The following SRRM2 variants were observed in gnomAD, a reference collection of about 807,000 sequenced individuals.
SRRM2 encodes serine/arginine repetitive matrix 2.
Under a neutral mutation model 213.8 loss-of-function variants are expected in SRRM2, and 30 were observed. The observed-to-expected ratio is 0.14, with a 90% CI of 0.10 to 0.19. The LOEUF is 0.19. Ranked by LOEUF, SRRM2 falls within the 10% of genes least tolerant of loss-of-function variation. SRRM2 has a pLI of 1.00. For synonymous variants in SRRM2, 2,025 were observed against 1,377.7 expected, an observed-to-expected ratio of 1.47 and a Z score of -10.40; for missense variants, 4,904 against 3,647.0, an observed-to-expected ratio of 1.34 and a Z score of -8.88.
Position 2,759,413 on chromosome 16 carries a change from T to G in SRRM2, c.740+11T>G. 1 of 1,593,458 alleles carries G rather than the reference T, an allele frequency of 6.3e-7. No homozygotes were observed. Among genetic ancestry groups the G allele is most frequent in the Non-Finnish European group, 8.5e-7 (1 of 1,172,326 alleles). On this transcript the variant is annotated intron_variant, in intron 8 of 14. Transcript: ENST00000301740. ...CAAAAAGCGAAAGCGGTGAGTGAAT[T>G]TGTGGGGAATTTGCTTAGGAAGTAA...
chr16:2,762,357 C>G lies in SRRM2; in HGVS notation c.1829C>G (p.Ala610Gly). Residue 610 changes from alanine (A) to glycine (G), a missense_variant, in exon 11 of 15, where the codon GCC becomes GGC. Coordinates refer to ENST00000301740, the MANE Select transcript of SRRM2 (RefSeq NM_016333.4). ...TRRRSRSRTP[A>G]RRGRSRSRTP... is the part of the protein sequence containing the mutation. ...CGTAGGTCTCGGTCTAGAACACCAG[C>G]CCGGAGGGGCAGGTCTCGGTCTAGA... The G allele has an allele frequency of 6.2e-7, 1 of 1,611,900 alleles. No homozygotes were observed. Among genetic ancestry groups the G allele is most frequent in the Non-Finnish European group, 8.5e-7 (1 of 1,179,110 alleles).
rs569446082 is a variant in SRRM2 at position 2,767,603 on chromosome 16, G to A, written c.7075G>A (p.Ala2359Thr). ...PVNIAGSRTA[A>T]ALAPASLTSA... Reference sequence around the variant, plus strand: ...GAATATTGCCGGCTCCAGAACCGCCGCAGCCTTGGCCCCCGCGAGCCTCAC... The same window carrying A: ...GAATATTGCCGGCTCCAGAACCGCCACAGCCTTGGCCCCCGCGAGCCTCAC... Residue 2359 changes from alanine (A) to threonine (T), a missense_variant, in exon 11 of 15, where the codon GCA (alanine) becomes ACA (threonine). Ala to Thr is a moderately conservative substitution (Grantham distance 58). Transcript: ENST00000301740. 256 of 1,613,984 alleles carry A rather than the reference G, an allele frequency of 1.6e-4. No homozygotes were observed. In the East Asian group the frequency reaches 4.1e-3, roughly 26 times the overall value.
In SRRM2 at chr16:2,764,470, TAAA is replaced by T; in HGVS notation, c.3943_3945del (p.Lys1315del). On this transcript the variant is annotated inframe_deletion, in exon 11 of 15. Transcript: ENST00000301740. ...GTGGGCCACATTTTTCTCCAGAACA[TAAA>T]GAACTGTCTAACTCCCCACTCAGGG... is the stretch of plus-strand genomic sequence containing the variant. The T allele has an allele frequency of 6.2e-7, 1 of 1,613,618 alleles. No individual in the cohort carries two copies. Among genetic ancestry groups the T allele is most frequent in the South Asian group, 1.1e-5 (1 of 90,920 alleles).
Position 2,760,764 on chromosome 16 carries a change from C to T in SRRM2, c.1032+265C>T, listed in dbSNP as rs948748584. On this transcript the variant is annotated intron_variant, in intron 10 of 14. Transcript: ENST00000301740. ...TATACATAGATAGAACTGGAACAAA[C>T]GTTGTATCTTATCTGTGTACTCCGT... 233 of 432,192 alleles carry T rather than the reference C, an allele frequency of 5.4e-4. 3 individuals carry two copies. The highest frequency in any genetic ancestry group is 2.7e-3 in the Middle Eastern group (4 of 1,476). 26.8% of individuals were successfully genotyped at this position (432,192 alleles called of 1,614,324 possible).
Position 2,764,772 on chromosome 16 carries a change from C to G in SRRM2, c.4244C>G (p.Ser1415Trp). 6.2e-7 allele frequency: 1 copy of G among 1,614,130 alleles called. No homozygotes were observed. The highest frequency in any genetic ancestry group is 1.3e-5 in the African/African-American group (1 of 75,006). ...PVLDAVPRTP[S>W]RERSSSASSP... ...CTTGATGCTGTACCCAGAACACCCT[C>G]GAGAGAAAGAAGTAGTTCTGCATCT... Residue 1415 changes from serine to tryptophan, a missense_variant, in exon 11 of 15, where the codon TCG becomes TGG. Physicochemically the swap from Ser to Trp is radical, Grantham distance 177. Transcript: ENST00000301740.
rs75586278 is a variant in SRRM2 at position 2,771,114 on chromosome 16, G to A, written c.*247G>A. 3.3e-6 allele frequency: 2 copies of A among 607,252 alleles called. No homozygotes were observed. The highest frequency in any genetic ancestry group is 1.9e-5 in the African/African-American group (1 of 53,630). 37.6% of individuals were successfully genotyped at this position (607,252 alleles called of 1,614,324 possible). On this transcript the variant is annotated 3_prime_UTR_variant, in exon 15 of 15. Transcript: ENST00000301740. ...GTGGGAGGGAATGCAGATGGGAGTTGGGGGAGGGGAGGATACAGTTCAGGA... is the reference window on the plus strand; with the variant it reads ...GTGGGAGGGAATGCAGATGGGAGTTAGGGGAGGGGAGGATACAGTTCAGGA...
chr16:2,761,475 C>T (rs1386198012), intron 10 of SRRM2, 86 bp from the exon 11 acceptor site: 7 of 1,150,770 alleles, frequency 6.1e-6, no homozygotes, highest in Non-Finnish European at 8.2e-6. Context: ...GAAAAGTTAT[C>T]ATTGGAAAGG....
chr16:2,752,793 G>C lies in SRRM2; in HGVS notation c.-85G>C. ...AGGCCCGAGGGACTCGGGAGCTCGAGCAGCGGCGGCGGCAAGACCTCTCCC... is the reference window on the plus strand; with the variant it reads ...AGGCCCGAGGGACTCGGGAGCTCGACCAGCGGCGGCGGCAAGACCTCTCCC... On this transcript the variant is annotated 5_prime_UTR_variant, in exon 1 of 15. Transcript: ENST00000301740. 5.8e-6 allele frequency: 2 copies of C among 345,566 alleles called. No homozygotes were observed. Among genetic ancestry groups the C allele is most frequent in the South Asian group, 1.9e-5 (1 of 51,720 alleles). The allele number at this position is 345,566 out of a possible 1,614,324, so 21.4% of individuals were successfully genotyped here.
In SRRM2 at chr16:2,761,990, G is replaced by T; in HGVS notation, c.1462G>T (p.Ala488Ser). 2 of 1,614,092 alleles carry T rather than the reference G, an allele frequency of 1.2e-6. No individual in the cohort carries two copies. Among genetic ancestry groups the T allele is most frequent in the Non-Finnish European group, 1.7e-6 (2 of 1,180,010 alleles). The change falls in exon 11 of 15, where the codon GCC (alanine) becomes TCC (serine). Residue 488 changes from alanine (A) to serine (S), a missense_variant. Ala to Ser is a moderately conservative substitution (Grantham distance 99, BLOSUM62 1). Transcript: ENST00000301740. ...TAGGATGGGGAGGTCCCGTAGCCCT[G>T]CCACCGCTAAGAGAGGGCGATCTCG... is the stretch of plus-strand genomic sequence containing the variant. ...SRRMGRSRSP[A>S]TAKRGRSRSR... is the part of the protein sequence containing the mutation.
At position 2,763,227 on chromosome 16, in the gene SRRM2, A is replaced by G; in HGVS notation, c.2699A>G (p.Lys900Arg). ...TCAGGGTCCTCTCCTCCTAGAGTGA[A>G]ATCTAGCACACCTCCCAGACAGAGC... ...SCSGSSPPRV[K>R]SSTPPRQSPS... Residue 900 changes from lysine to arginine, a missense_variant, in exon 11 of 15, where the codon AAA becomes AGA. By Grantham distance (26) the Lys-to-Arg change is conservative. Coordinates refer to ENST00000301740, the MANE Select transcript of SRRM2 (RefSeq NM_016333.4). 1 of 1,614,110 alleles carries G rather than the reference A, an allele frequency of 6.2e-7. No individual in the cohort carries two copies. The highest frequency in any genetic ancestry group is 1.1e-5 in the South Asian group (1 of 91,086).
Position 2,757,837 on chromosome 16 carries a change from G to A in SRRM2, c.407G>A (p.Arg136His), listed in dbSNP as rs372559298. 5.0e-6 allele frequency: 8 copies of A among 1,613,810 alleles called. No individual in the cohort carries two copies. Among genetic ancestry groups the A allele is most frequent in the Non-Finnish European group, 6.8e-6 (8 of 1,179,864 alleles). ...ELNEKKNERL[R>H]AAFGISDSYV... is the part of the protein sequence containing the mutation. The stretch of plus-strand genomic sequence containing the variant: ...AATGAGAAGAAGAATGAAAGACTCC[G>A]TGCTGCCTTTGGCATCAGTGATTCT... The change falls in exon 4 of 15, where the codon CGT becomes CAT. Residue 136 changes from arginine to histidine, a missense_variant. Coordinates refer to ENST00000301740, the MANE Select transcript of SRRM2 (RefSeq NM_016333.4).
chr16:2,769,312 G>C, intron 12 of SRRM2, 28 bp downstream of exon 12: 1 of 1,532,708 alleles, frequency 6.5e-7, no homozygotes, highest in East Asian at 2.3e-5. Context: ...TGAGTTGAAA[G>C]GTGGGTGGGG....
At position 2,765,561 on chromosome 16, in the gene SRRM2, C is replaced by T. The variant is rs1164345154; in HGVS notation, c.5033C>T (p.Pro1678Leu). 1.9e-6 allele frequency: 3 copies of T among 1,614,072 alleles called. No homozygotes were observed. The highest frequency in any genetic ancestry group is 1.3e-5 in the African/African-American group (1 of 74,936). The stretch of plus-strand genomic sequence containing the variant: ...AGAGGTTCCAGGTCATCACCAGAGC[C>T]CAAGACCAAGTCTCGTACACCACCT... ...ARRGSRSSPE[P>L]KTKSRTPPRR... The change falls in exon 11 of 15, where the codon CCC becomes CTC. Residue 1678 changes from proline to leucine, a missense_variant. Coordinates refer to ENST00000301740, the MANE Select transcript of SRRM2 (RefSeq NM_016333.4).
At position 2,765,060 on chromosome 16, in the gene SRRM2, C is replaced by A; in HGVS notation, c.4532C>A (p.Thr1511Asn). The A allele has an allele frequency of 1.2e-6, 2 of 1,613,998 alleles. No homozygotes were observed. The highest frequency in any genetic ancestry group is 1.7e-6 in the Non-Finnish European group (2 of 1,180,036). Residue 1511 changes from threonine to asparagine, a missense_variant, in exon 11 of 15, where the codon ACC becomes AAC. Coordinates refer to ENST00000301740, the MANE Select transcript of SRRM2 (RefSeq NM_016333.4). ...SSPELNNKCL[T>N]PQRERSGSES... ...CCAGAGCTCAACAACAAGTGTCTTACCCCCCAGAGAGAAAGAAGCGGGTCA... is the reference window on the plus strand; with the variant it reads ...CCAGAGCTCAACAACAAGTGTCTTAACCCCCAGAGAGAAAGAAGCGGGTCA...
rs199990052 is a variant in SRRM2 at position 2,765,922 on chromosome 16, T to C, written c.5394T>C (p.Ser1798=). ...RDRSGSSQST[S]RRRQRSRSRS... is the part of the protein sequence containing the mutation. Reference sequence around the variant, plus strand: ...GGTCTGGATCTTCTCAGTCAACCTCTCGGCGAAGACAGCGGAGCCGGTCAA... The same window carrying C: ...GGTCTGGATCTTCTCAGTCAACCTCCCGGCGAAGACAGCGGAGCCGGTCAA... Residue 1798 remains serine (S), a synonymous_variant, in exon 11 of 15, where the codon TCT becomes TCC. Coordinates refer to ENST00000301740, the MANE Select transcript of SRRM2 (RefSeq NM_016333.4). 19 of 1,613,986 alleles carry C rather than the reference T, an allele frequency of 1.2e-5. No individual in the cohort carries two copies. The highest frequency in any genetic ancestry group is 1.6e-5 in the Non-Finnish European group (19 of 1,180,022).
intron 10 of SRRM2, 104 bp from the exon 11 acceptor site, chr16:2,761,457 G>T: frequency 1.1e-6 from 1 of 933,584 alleles, no homozygotes; most frequent in Non-Finnish European, 1.5e-6. Flanking sequence ...GTCAGAGGGT[G>T]TGTAAAAGAA....
chr16:2,764,014 T>C lies in SRRM2; in HGVS notation c.3486T>C (p.Ala1162=). 1 of 1,614,204 alleles carries C rather than the reference T, an allele frequency of 6.2e-7. No individual in the cohort carries two copies. The highest frequency in any genetic ancestry group is 8.5e-7 in the Non-Finnish European group (1 of 1,180,040). ...TGGGGCAGAGTAGATTGGAGACTGC[T>C]GAATCAAAAGAGAAAATGGCCTTAC... ...SLLGQSRLET[A]ESKEKMALPP... is the part of the protein sequence containing the mutation. The change falls in exon 11 of 15, where the codon GCT becomes GCC. Residue 1162 remains alanine (A), a synonymous_variant. Transcript: ENST00000301740.
In SRRM2 at chr16:2,756,190, G is replaced by A. The variant is rs182924710; in HGVS notation, c.-31-144G>A. 9.7e-4 allele frequency: 799 copies of A among 823,866 alleles called. 1 individual carries two copies. Among genetic ancestry groups the A allele is most frequent in the Middle Eastern group, 8.6e-3 (23 of 2,668 alleles). The allele number at this position is 823,866 out of a possible 1,614,324, so 51.0% of individuals were successfully genotyped here. On this transcript the variant is annotated intron_variant, in intron 1 of 14. Transcript: ENST00000301740. ...AGTGGTTTTCTTGGGAGACCAGGAG[G>A]ATGGTGGAGCATTATACAGCGAAGA...
At position 2,768,980 on chromosome 16, in the gene SRRM2, C is replaced by G. The variant is rs375579636; in HGVS notation, c.7734-17C>G. On this transcript the variant is annotated splice_polypyrimidine_tract_variant and intron_variant, in intron 11 of 14. Coordinates refer to ENST00000301740, the MANE Select transcript of SRRM2 (RefSeq NM_016333.4). ...TGGGGCAGCTTGTCTCCTTGTGACA[C>G]TCCTCTCCTCCCACAGGGTCCCCAG... The G allele has an allele frequency of 5.6e-6, 9 of 1,611,380 alleles. No homozygotes were observed. Among genetic ancestry groups the G allele is most frequent in the African/African-American group, 2.7e-5 (2 of 74,838 alleles).
Sources: allele counts gnomAD v4.1 joint callset, GRCh38; gene constraint gnomAD v4.1.1; transcripts MANE v1.5; gene names NCBI Gene and HGNC (gene_info 2026-07-23, HGNC 2026-07-21).